DHRS7: variants seen among roughly 807,000 people sequenced by gnomAD.
DHRS7 encodes dehydrogenase/reductase 7.
In DHRS7, 34 loss-of-function variants were observed where a neutral mutation model predicts 38.9. That is an observed-to-expected ratio of 0.87 (90% CI 0.66 to 1.16). DHRS7 has a LOEUF of 1.16. DHRS7 is among the 50% of genes most tolerant of loss of function. The pLI, the probability that DHRS7 is intolerant of heterozygous loss-of-function variation, is 0.00. For synonymous variants in DHRS7, 158 were observed against 153.1 expected, an observed-to-expected ratio of 1.03 and a Z score of -0.24; for missense variants, 421 against 407.0, an observed-to-expected ratio of 1.03 and a Z score of -0.30.
upstream of DHRS7, chr14:60,169,730 T>G (rs983994900): frequency 2.0e-5 from 3 of 152,262 alleles, no homozygotes; most frequent in African/African-American, 4.8e-5. Flanking sequence ...GTCCCATTTC[T>G]GGATCCTTTC....
In DHRS7 at chr14:60,145,120, T is replaced by C. The variant is rs78553540; in HGVS notation, c.973-107A>G. On this transcript the variant is annotated intron_variant, in intron 6 of 6. Transcript: ENST00000557185. This position sits in a 1 kb window ranked among gnomAD's most constrained non-coding sequence, Gnocchi z 4.0. ...GGAGCTGTATCATTATGATTCACTA[T>C]TAAGAATCTTTACAAAAGTTCAGAA... 5.7e-3 allele frequency: 4,246 copies of C among 740,048 alleles called. 213 individuals carry two copies. The East Asian group carries it at 0.093, about 16-fold the overall frequency. The allele number at this position is 740,048 out of a possible 1,614,324, so 45.8% of individuals were successfully genotyped here.
chr14:60,161,710 G>A lies in DHRS7; in HGVS notation c.133+3467C>T, dbSNP rs1379439251. 3.3e-5 allele frequency among the ~76,000 whole-genome samples: 5 copies of A among 152,214 alleles called. No homozygotes were observed. The highest frequency in any genetic ancestry group is 3.3e-4 in the Admixed American group (5 of 15,288). On this transcript the variant is annotated intron_variant, in intron 1 of 6. Coordinates refer to ENST00000557185, the MANE Select transcript of DHRS7 (RefSeq NM_016029.4). This position sits in a 1 kb window ranked among gnomAD's most constrained non-coding sequence, Gnocchi z 4.2. ...GATTCGGTAGGGTCTGGACAGTGCA[G>A]AGCAGGATGAGATGTCAAAAATCAC... is the stretch of plus-strand genomic sequence containing the variant.
intron 1 of DHRS7, chr14:60,159,207 C>A: frequency 2.8e-6 from 1 of 358,834 alleles, no homozygotes; most frequent in South Asian, 2.4e-5. Context: ...AGAGGAGATG[C>A]GGTTACGGAA....
At chr14:60,158,292 C>G (rs1896698404) in intron 1 of DHRS7, among the ~76,000 whole-genome samples, 1 of 150,274 alleles carries the variant, frequency 6.7e-6, no homozygotes. Flanking sequence ...AATACTATGT[C>G]TGGGCTACAA....
chr14:60,150,756 G>A (rs185690223), intron 4 of DHRS7, among the ~76,000 whole-genome samples: 1 of 152,256 alleles, frequency 6.6e-6, no homozygotes, highest in Admixed American at 6.5e-5. Context: ...TTGCTATTGT[G>A]AATAGTGTAT....
intron 2 of DHRS7, 83 bp downstream of exon 2, chr14:60,155,917 C>T: frequency 2.3e-6 from 3 of 1,302,398 alleles, no homozygotes; most frequent in Non-Finnish European, 3.0e-6. Context: ...AAATCTCACT[C>T]CTCTCTAAAA....
At chr14:60,169,477 C>A (rs529134084), upstream of DHRS7, among the ~76,000 whole-genome samples, 33 of 152,310 alleles carry the variant, frequency 2.2e-4, no homozygotes, top group Non-Finnish European at 3.2e-4. Context: ...CTTGTTTATA[C>A]CTTTACTAAA....
At chr14:60,152,798 G>A (rs188211145) in intron 4 of DHRS7, 141 bp downstream of exon 4, 2 of 808,826 alleles carry the variant, frequency 2.5e-6, no homozygotes, top group Middle Eastern at 2.8e-4. Context: ...TCTACTGGGG[G>A]TGTCCTCTAC....
chr14:60,144,870 CA>C lies in DHRS7; in HGVS notation c.*95del. The stretch of plus-strand genomic sequence containing the variant: ...TCATATCTATTAAAAAGTAAAATCA[CA>C]AATTAGTCTTTGATTATTCAGAAGC... On this transcript the variant is annotated 3_prime_UTR_variant, in exon 7 of 7. Transcript: ENST00000557185. 1 of 1,056,688 alleles carries C rather than the reference CA, an allele frequency of 9.5e-7. No individual in the cohort carries two copies. Among genetic ancestry groups the C allele is most frequent in the Non-Finnish European group, 1.4e-6 (1 of 691,518 alleles). 65.5% of individuals were successfully genotyped at this position (1,056,688 alleles called of 1,614,324 possible). A position where few individuals can be genotyped will look rare whatever the true frequency, so the allele number is the denominator to read the frequency against.
intron 4 of DHRS7, chr14:60,152,638 A>C (rs416211): frequency 0.24 from 88,803 of 368,180 alleles, 14,522 homozygotes; most frequent in African/African-American, 0.54. Context: ...AACATGTTAA[A>C]TAGATGATAC....
chr14:60,152,828 C>G (rs563463577), intron 4 of DHRS7, 111 bp downstream of exon 4: 4 of 1,292,106 alleles, frequency 3.1e-6, no homozygotes, highest in Admixed American at 4.2e-5. Flanking sequence ...CCTTGGGTCT[C>G]TCTGTCTCCC....
chr14:60,150,741 A>C (rs576289216), intron 4 of DHRS7, among the ~76,000 whole-genome samples: 1 of 152,266 alleles, frequency 6.6e-6, no homozygotes, highest in East Asian at 1.9e-4. Context: ...GTTGGTTCCA[A>C]GTCTTTGCTA....
chr14:60,150,196 CAAAAAAAAA>C lies in DHRS7; in HGVS notation c.634-18_634-10del. On this transcript the variant is annotated splice_polypyrimidine_tract_variant and intron_variant, in intron 4 of 6. Transcript: ENST00000557185. ...AGGCCATTAAAAAAACCCTAACAGACAAAAAAAAAAAAAAAGGAAAAAGGCAAATAAATA... is the reference window on the plus strand; with the variant it reads ...AGGCCATTAAAAAAACCCTAACAGACAAAAAAGGAAAAAGGCAAATAAATA... 8.4e-7 allele frequency: 1 copy of C among 1,187,720 alleles called. No individual in the cohort carries two copies. The highest frequency in any genetic ancestry group is 1.1e-6 in the Non-Finnish European group (1 of 932,830). 73.6% of individuals were successfully genotyped at this position (1,187,720 alleles called of 1,614,324 possible).
chr14:60,161,003 A>T lies in DHRS7; in HGVS notation c.133+4174T>A, dbSNP rs946262634. 6.6e-6 allele frequency among the ~76,000 whole-genome samples: 1 copy of T among 152,206 alleles called. No individual in the cohort carries two copies. The highest frequency in any genetic ancestry group is 1.5e-5 in the Non-Finnish European group (1 of 68,048). ...CTTTTGCAAAATTCCTTAAGAATGT[A>T]TTAGTATCAGAACTGTGAAAAATGG... On this transcript the variant is annotated intron_variant, in intron 1 of 6. Transcript: ENST00000557185. This position sits in a 1 kb window ranked among gnomAD's most constrained non-coding sequence, Gnocchi z 4.2.
Position 60,145,760 on chromosome 14 carries a change from A to G in DHRS7, c.973-747T>C, listed in dbSNP as rs1896389634. On this transcript the variant is annotated intron_variant, in intron 6 of 6. Coordinates refer to ENST00000557185, the MANE Select transcript of DHRS7 (RefSeq NM_016029.4). This position sits in a 1 kb window ranked among gnomAD's most constrained non-coding sequence, Gnocchi z 4.0. ...AAACAAGGCAACCTGATAATCCCCA[A>G]GATGTGATGTTTCTTTTCAGAAGAT... 1 of 152,154 alleles carries G rather than the reference A, an allele frequency of 6.6e-6. No individual in the cohort carries two copies. Among genetic ancestry groups the G allele is most frequent in the Non-Finnish European group, 1.5e-5 (1 of 68,024 alleles). 9.4% of individuals were successfully genotyped at this position (152,154 alleles called of 1,614,324 possible). A position where few individuals can be genotyped will look rare whatever the true frequency, so the allele number is the denominator to read the frequency against.
At chr14:60,147,405 A>C (rs1244996028) in intron 6 of DHRS7, 1 of 152,168 alleles carries the variant, frequency 6.6e-6, no homozygotes, top group African/African-American at 2.4e-5. Context: ...CACACAAAAA[A>C]AGGTAACTGG....
chr14:60,160,930 A>G (rs1285897151), intron 1 of DHRS7, among the ~76,000 whole-genome samples: 1 of 152,218 alleles, frequency 6.6e-6, no homozygotes, highest in Non-Finnish European at 1.5e-5. Context: ...GGAAGAGAAC[A>G]GTTACAAAGA....
rs1249726696 is a variant in DHRS7 at position 60,145,874 on chromosome 14, T to G, written c.973-861A>C. 6.6e-6 allele frequency: 1 copy of G among 151,840 alleles called. No individual in the cohort carries two copies. Among genetic ancestry groups the G allele is most frequent in the East Asian group, 1.9e-4 (1 of 5,190 alleles). 9.4% of individuals were successfully genotyped at this position (151,840 alleles called of 1,614,324 possible). ...AATTCAGTGTAGCCACTGTTCTTGA[T>G]CCCTAAAAATAATAAAGATTCATAA... On this transcript the variant is annotated intron_variant, in intron 6 of 6. Coordinates refer to ENST00000557185, the MANE Select transcript of DHRS7 (RefSeq NM_016029.4). This position sits in a 1 kb window ranked among gnomAD's most constrained non-coding sequence, Gnocchi z 4.0.
upstream of DHRS7, chr14:60,168,880 A>G: frequency 8.7e-7 from 1 of 1,145,520 alleles, no homozygotes. Flanking sequence ...ACATATTAGA[A>G]CACTTAGGCA....
Sources: gnomAD v4.1 joint callset for allele counts (sites outside exome capture counted in the v4.1 genomes callset) on GRCh38, gnomAD v4.1.1 for gene constraint, Gnocchi (gnomAD v3.1) non-coding constraint, MANE v1.5 for transcripts, NCBI Gene and HGNC (gene_info 2026-07-23, HGNC 2026-07-21) for gene names.